The following YPEL2 variants were observed in gnomAD, a reference collection of about 807,000 sequenced individuals.
The protein encoded by YPEL2 is yippee like 2, also known as protein yippee-like 2.
In YPEL2, 2 loss-of-function variants were observed where a neutral mutation model predicts 19.1. The ratio of observed to expected loss-of-function variants is 0.10; its 90% CI spans 0.04 to 0.33. YPEL2 has a LOEUF of 0.33. Among genes scored for constraint, YPEL2 ranks in the 10% least tolerant of loss-of-function variants. YPEL2 has a pLI of 1.00. For synonymous variants in YPEL2, 52 were observed against 50.0 expected (o/e 1.04, Z -0.17); for missense variants, 66 against 140.7 (o/e 0.47, Z 2.68).
At chr17:59,381,945 C>T (rs1049509335) in intron 2 of YPEL2, among the ~76,000 whole-genome samples, 7 of 152,224 alleles carry the variant, frequency 4.6e-5, no homozygotes, top group African/African-American at 1.7e-4. Flanking sequence ...TTCGGTACCA[C>T]CCTCTCTCCA....
chr17:59,334,602 A>ACACACACACACACC (rs2047690001), intron 1 of YPEL2, among the ~76,000 whole-genome samples: 1 of 149,994 alleles, frequency 6.7e-6, no homozygotes, highest in African/African-American at 2.4e-5. Context: ...ACACACACAC[A>ACACACACACACACC]CACACGCCTG....
chr17:59,367,345 A>G (rs1598040624), intron 2 of YPEL2, among the ~76,000 whole-genome samples: 1 of 152,168 alleles, frequency 6.6e-6, no homozygotes, highest in South Asian at 2.1e-4. Flanking sequence ...CCCTTGGTAG[A>G]AGGGAGGGGC....
At chr17:59,387,687 A>G (rs1044485940) in intron 2 of YPEL2, among the ~76,000 whole-genome samples, 4 of 152,218 alleles carry the variant, frequency 2.6e-5, no homozygotes, top group Non-Finnish European at 5.9e-5. Flanking sequence ...GCTAGAGGTT[A>G]AAGTGGAATT....
At chr17:59,396,694 C>A (rs890417476) in intron 4 of YPEL2, among the ~76,000 whole-genome samples, 1 of 152,144 alleles carries the variant, frequency 6.6e-6, no homozygotes, top group Admixed American at 6.5e-5. Flanking sequence ...ACCGTGGTGA[C>A]GCTGATACCT....
At chr17:59,338,398 T>C (rs1371354098) in intron 1 of YPEL2, among the ~76,000 whole-genome samples, 2 of 152,192 alleles carry the variant, frequency 1.3e-5, no homozygotes, top group Admixed American at 6.5e-5. Flanking sequence ...TTTCTAGTGA[T>C]TGGTATTTTG....
In YPEL2 at chr17:59,400,686, A is replaced by G. The variant is rs2048066421; in HGVS notation, c.*3496A>G. ...AATTTAGTAGTAACAACTTACAGTG[A>G]TTCTTCCTGTTGGAAGAATTTCCAA... On this transcript the variant is annotated 3_prime_UTR_variant, in exon 5 of 5. Coordinates refer to ENST00000312655, the MANE Select transcript of YPEL2 (RefSeq NM_001005404.4). The G allele has an allele frequency of 6.6e-6, 1 of 152,644 alleles. No individual in the cohort carries two copies. The highest frequency in any genetic ancestry group is 1.5e-5 in the Non-Finnish European group (1 of 68,032). The allele number at this position is 152,644 out of a possible 1,614,324, so 9.5% of individuals were successfully genotyped here. A position where few individuals can be genotyped will look rare whatever the true frequency, so the allele number is the denominator to read the frequency against.
intron 2 of YPEL2, among the ~76,000 whole-genome samples, chr17:59,360,469 A>G (rs897772344): frequency 7.9e-5 from 12 of 152,222 alleles, no homozygotes; most frequent in Admixed American, 6.5e-4. Flanking sequence ...CAATAAGTCC[A>G]GTTGCAAGAC....
rs2047750283 is a variant in YPEL2, at chr17:59,345,237, TC to T, written c.-195-7977del. 3 of 152,326 alleles carry T rather than the reference TC, an allele frequency of 2.0e-5. No individual in the cohort carries two copies. The South Asian group carries it at 6.2e-4, about 32-fold the overall frequency. 9.4% of individuals were successfully genotyped at this position (152,326 alleles called of 1,614,324 possible). ...TTCTAGAGATCATGTAGGATTATCA[TC>T]TGACGTATAAGCCCCCGAAACCAAG... is the stretch of plus-strand genomic sequence containing the variant. On this transcript the variant is annotated intron_variant, in intron 1 of 4. Coordinates refer to ENST00000312655, the MANE Select transcript of YPEL2 (RefSeq NM_001005404.4).
intron 2 of YPEL2, among the ~76,000 whole-genome samples, chr17:59,385,551 C>G (rs963514855): frequency 1.3e-5 from 2 of 152,136 alleles, no homozygotes; most frequent in Non-Finnish European, 2.9e-5. Flanking sequence ...ACACTCCAGC[C>G]TGGGTGACAG....
At chr17:59,364,858 C>G (rs1004580527) in intron 2 of YPEL2, among the ~76,000 whole-genome samples, 4 of 152,168 alleles carry the variant, frequency 2.6e-5, no homozygotes, top group African/African-American at 9.7e-5. Context: ...TCTCGAACTC[C>G]TGACCTCAGG....
At chr17:59,359,155 C>T (rs776425145) in intron 2 of YPEL2, among the ~76,000 whole-genome samples, 16 of 152,118 alleles carry the variant, frequency 1.1e-4, no homozygotes, top group South Asian at 6.2e-4. Flanking sequence ...AACTCCTGAC[C>T]TCCAGCGATC....
At chr17:59,342,761 C>T (rs1446888458) in intron 1 of YPEL2, among the ~76,000 whole-genome samples, 1 of 152,194 alleles carries the variant, frequency 6.6e-6, no homozygotes, top group Non-Finnish European at 1.5e-5. Flanking sequence ...GTTGAGGGAT[C>T]CCTTGCCTTC....
chr17:59,354,343 C>G (rs2047801807), intron 2 of YPEL2: 1 of 151,994 alleles, frequency 6.6e-6, no homozygotes, highest in Non-Finnish European at 1.5e-5. Flanking sequence ...GCATCTTTAC[C>G]CAGAACCTGG....
At chr17:59,361,856 G>T (rs901080545) in intron 2 of YPEL2, among the ~76,000 whole-genome samples, 1 of 152,194 alleles carries the variant, frequency 6.6e-6, no homozygotes, top group Non-Finnish European at 1.5e-5. Context: ...ATTGAAGTGT[G>T]CCTGGAAGCA....
At chr17:59,361,852 G>C (rs772511000) in intron 2 of YPEL2, among the ~76,000 whole-genome samples, 2 of 152,318 alleles carry the variant, frequency 1.3e-5, no homozygotes, top group Middle Eastern at 3.4e-3. Context: ...TGGCATTGAA[G>C]TGTGCCTGGA....
chr17:59,380,014 C>T (rs1483806845), intron 2 of YPEL2, among the ~76,000 whole-genome samples: 1 of 151,846 alleles, frequency 6.6e-6, no homozygotes, highest in Admixed American at 6.6e-5. Flanking sequence ...GCATGCATCA[C>T]CACGCCCAGC....
intron 4 of YPEL2, among the ~76,000 whole-genome samples, chr17:59,396,832 A>G: frequency 6.6e-6 from 1 of 152,120 alleles, no homozygotes; most frequent in Non-Finnish European, 1.5e-5. Flanking sequence ...GGAGTTAGAG[A>G]CCAGCCTGTC....
intron 1 of YPEL2, among the ~76,000 whole-genome samples, chr17:59,332,839 G>A (rs1177808416): frequency 6.6e-6 from 1 of 152,152 alleles, no homozygotes; most frequent in Non-Finnish European, 1.5e-5. Context: ...TTTGCTTTCT[G>A]GCCTCCTTGC....
intron 2 of YPEL2, among the ~76,000 whole-genome samples, chr17:59,367,787 C>T (rs1487726171): frequency 6.6e-6 from 1 of 152,148 alleles, no homozygotes; most frequent in Admixed American, 6.5e-5. Flanking sequence ...CGTCTAGCAC[C>T]CACAGGTTCC....
Sources: gnomAD v4.1 joint callset for allele counts (sites outside exome capture counted in the v4.1 genomes callset) on GRCh38, gnomAD v4.1.1 for gene constraint, MANE v1.5 for transcripts, NCBI Gene and HGNC (gene_info 2026-07-23, HGNC 2026-07-21) for gene names.